Variants in XKR9 observed in about 807,000 individuals in gnomAD.
XKR9 encodes the protein XK related 9.
A neutral mutation model predicts 32.0 loss-of-function variants in XKR9; 32 were observed. That is an observed-to-expected ratio of 1.00 (90% CI 0.76 to 1.34). XKR9 has a LOEUF of 1.34. Among genes scored for constraint, XKR9 ranks in the 40% most tolerant of loss-of-function variants. The pLI is 0.00. For missense variants in XKR9, 546 were observed against 429.7 expected (o/e 1.27, Z -2.39); for synonymous variants, 168 against 143.4 (o/e 1.17, Z -1.22).
At chr8:71,044,868 G>C in the XKR9 span, among the ~76,000 whole-genome samples, 2 of 152,192 alleles carry the variant, frequency 1.3e-5, no homozygotes, top group African/African-American at 4.8e-5. Context: ...AACCAGCGTA[G>C]TTTATCAGCT....
the XKR9 span, among the ~76,000 whole-genome samples, chr8:70,796,103 G>A: frequency 6.6e-6 from 1 of 151,608 alleles, no homozygotes; most frequent in African/African-American, 2.4e-5. Context: ...ACATGTGCAG[G>A]TTTTTTGACA....
intron 2 of XKR9, among the ~76,000 whole-genome samples, chr8:70,756,152 AC>A (rs564275546): frequency 2.8e-4 from 43 of 152,270 alleles, no homozygotes; most frequent in Non-Finnish European, 6.0e-4. Flanking sequence ...TAGTCTTGGC[AC>A]CCTTATTGAA....
downstream of XKR9, among the ~76,000 whole-genome samples, chr8:70,739,057 G>A (rs773374845): frequency 4.4e-4 from 60 of 137,774 alleles, no homozygotes; most frequent in Non-Finnish European, 8.6e-4. Context: ...TCTGTCTAAT[G>A]TTGACAATGA....
chr8:70,990,151 C>T, the XKR9 span, among the ~76,000 whole-genome samples: 1 of 152,130 alleles, frequency 6.6e-6, no homozygotes, highest in Admixed American at 6.5e-5. Context: ...TAATACCTGC[C>T]TAGTTTCTCT....
chr8:70,923,500 A>G, the XKR9 span, among the ~76,000 whole-genome samples: 1 of 152,220 alleles, frequency 6.6e-6, no homozygotes, highest in Non-Finnish European at 1.5e-5. Context: ...GATGAAGCTC[A>G]AGCTTCAGAT....
At chr8:70,861,811 A>T in the XKR9 span, among the ~76,000 whole-genome samples, 67 of 152,270 alleles carry the variant, frequency 4.4e-4, 2 homozygotes, top group South Asian at 0.014. Flanking sequence ...CAAGCAAAGG[A>T]GATTTTTCTG....
intron 4 of XKR9, among the ~76,000 whole-genome samples, chr8:70,713,665 T>G (rs1805994016): frequency 7.5e-6 from 1 of 132,768 alleles, no homozygotes; most frequent in African/African-American, 2.5e-5. Context: ...AAATGCTATG[T>G]GGTTAAGAAG....
the XKR9 span, among the ~76,000 whole-genome samples, chr8:70,819,257 G>A: frequency 6.6e-5 from 10 of 152,178 alleles, no homozygotes; most frequent in Admixed American, 1.3e-4. Context: ...ATGTCTTACA[G>A]TTTTCCACCT....
chr8:70,876,401 G>T, the XKR9 span, among the ~76,000 whole-genome samples: 1 of 151,732 alleles, frequency 6.6e-6, no homozygotes, highest in African/African-American at 2.4e-5. Flanking sequence ...TAGTAGAGAC[G>T]GGGTTTCACC....
chr8:70,953,747 G>A, the XKR9 span, among the ~76,000 whole-genome samples: 1 of 152,142 alleles, frequency 6.6e-6, no homozygotes, highest in African/African-American at 2.4e-5. Context: ...CAGTTCATGG[G>A]GGTCTGTGCT....
chr8:70,745,258 C>G (rs1351801945), intron 2 of XKR9, among the ~76,000 whole-genome samples: 1 of 152,190 alleles, frequency 6.6e-6, no homozygotes, highest in African/African-American at 2.4e-5. Flanking sequence ...ATTTTATCCT[C>G]ATGTTCTATA....
the XKR9 span, among the ~76,000 whole-genome samples, chr8:71,021,489 T>G: frequency 2.0e-5 from 3 of 150,082 alleles, no homozygotes; most frequent in African/African-American, 7.3e-5. Flanking sequence ...TTTACTCTGT[T>G]GATGGTTTCT....
At chr8:71,046,307 T>G in the XKR9 span, among the ~76,000 whole-genome samples, 1 of 152,172 alleles carries the variant, frequency 6.6e-6, no homozygotes, top group African/African-American at 2.4e-5. Flanking sequence ...GAAAGGGCGG[T>G]GCAGGGGTAG....
chr8:70,789,687 T>C (rs1013476023), intron 3 of XKR9, among the ~76,000 whole-genome samples: 1 of 152,014 alleles, frequency 6.6e-6, no homozygotes, highest in Non-Finnish European at 1.5e-5. Flanking sequence ...TTCTACTCTA[T>C]GGGATCTTAA....
Position 70,722,333 on chromosome 8 carries a change from GTCA to G in XKR9, c.494-11458_494-11456del, listed in dbSNP as rs573541026. On this transcript the variant is annotated intron_variant, in intron 4 of 4. Transcript: ENST00000408926. Reference sequence around the variant, plus strand: ...TACTATTATGTGTGAATTTGATCCTGTCATCATGATGCTAGCTGGTTATTTTGC... The same window carrying G: ...TACTATTATGTGTGAATTTGATCCTGTCATGATGCTAGCTGGTTATTTTGC... Among the ~76,000 whole-genome samples, 1,047 of 152,180 alleles carry G rather than the reference GTCA, an allele frequency of 6.9e-3. 26 individuals carry two copies. The highest frequency in any genetic ancestry group is 5.3e-3 in the Non-Finnish European group (363 of 67,994).
chr8:70,780,404 C>T (rs1367302008), intron 2 of XKR9, among the ~76,000 whole-genome samples: 2 of 151,940 alleles, frequency 1.3e-5, no homozygotes, highest in Admixed American at 6.6e-5. Context: ...TTTAGGTGGT[C>T]CCACAAATTT....
chr8:70,880,689 G>A, the XKR9 span, among the ~76,000 whole-genome samples: 30 of 152,056 alleles, frequency 2.0e-4, no homozygotes, highest in East Asian at 1.2e-3. Flanking sequence ...GAAAATGGCC[G>A]TACTGCCCAA....
the XKR9 span, among the ~76,000 whole-genome samples, chr8:71,060,335 C>T: frequency 3.3e-5 from 5 of 152,272 alleles, no homozygotes; most frequent in South Asian, 1.0e-3. Context: ...TTGACAGAGC[C>T]AGTAACATTT....
chr8:70,979,819 C>T, the XKR9 span, among the ~76,000 whole-genome samples: 2 of 152,304 alleles, frequency 1.3e-5, no homozygotes, highest in South Asian at 2.1e-4. Context: ...TTTAAGTCTG[C>T]AGAAGTTTCT....
Sources: allele counts gnomAD v4.1 joint callset (sites outside exome capture counted in the v4.1 genomes callset), GRCh38; gene constraint gnomAD v4.1.1; transcripts MANE v1.5; gene names NCBI Gene and HGNC (gene_info 2026-07-23, HGNC 2026-07-21).